The following ING5 variants were observed in gnomAD, a reference collection of about 807,000 sequenced individuals.
ING5 encodes the protein inhibitor of growth family member 5, also known as inhibitor of growth protein 5.
ING5 carries 17 observed loss-of-function variants against 37.4 expected under a neutral mutation model. The observed-to-expected ratio is 0.45, with a 90% CI of 0.31 to 0.68. The LOEUF is 0.68. Among genes scored for constraint, ING5 ranks in the 30% least tolerant of loss-of-function variants. The pLI is 0.05. For synonymous variants in ING5, 123 were observed against 116.6 expected (o/e 1.06, Z -0.36); for missense variants, 233 against 311.9 (o/e 0.75, Z 1.91).
At chr2:241,697,314 A>G (rs34641797), upstream of ING5, among the ~76,000 whole-genome samples, 18,495 of 150,914 alleles carry the variant, frequency 0.12, 1,336 homozygotes, top group East Asian at 0.33. Flanking sequence ...GGGCGCCTGT[A>G]GTCCCAGCTA....
upstream of ING5, among the ~76,000 whole-genome samples, chr2:241,697,480 G>A (rs974544900): frequency 1.7e-4 from 25 of 151,190 alleles, no homozygotes; most frequent in East Asian, 1.6e-3. Context: ...TGGAACATCC[G>A]GACGTTGGAA....
At chr2:241,707,573 G>A (rs1391202570) in intron 2 of ING5, among the ~76,000 whole-genome samples, 1 of 152,172 alleles carries the variant, frequency 6.6e-6, no homozygotes, top group Non-Finnish European at 1.5e-5. Context: ...GATTACAGAC[G>A]TGAGTACCAC....
At chr2:241,689,069 G>C (rs888565103) in intron 1 of ING5, among the ~76,000 whole-genome samples, 2 of 152,004 alleles carry the variant, frequency 1.3e-5, no homozygotes, top group African/African-American at 4.8e-5. Context: ...CCAAAGTGCT[G>C]AGATTACAGG....
At chr2:241,693,377 C>A (rs1209853506) in intron 2 of ING5, among the ~76,000 whole-genome samples, 1 of 152,046 alleles carries the variant, frequency 6.6e-6, no homozygotes, top group Non-Finnish European at 1.5e-5. Context: ...TCACCTGCTC[C>A]CAGGAGCTTC....
chr2:241,719,602 G>GT lies in ING5; in HGVS notation c.483-3334dup, dbSNP rs2070374912. ...CCTGGTCTCTTCCTCACCCAGTGCT[G>GT]TTTCTCAAGGGTATGCTAGGCATAA... On this transcript the variant is annotated intron_variant, in intron 5 of 7. Transcript: ENST00000313552. 3 of 1,536,056 alleles carry GT rather than the reference G, an allele frequency of 2.0e-6. No individual in the cohort carries two copies. In the East Asian group the frequency reaches 7.3e-5, roughly 38 times the overall value.
chr2:241,687,030 C>T (rs2069441544), upstream of ING5: 3 of 490,622 alleles, frequency 6.1e-6, no homozygotes, highest in African/African-American at 4.0e-5. Context: ...GTGTCCCGTG[C>T]GGGCCTCCGT....
At chr2:241,700,980 T>G (rs1250828565), upstream of ING5, among the ~76,000 whole-genome samples, 1 of 139,890 alleles carries the variant, frequency 7.1e-6, no homozygotes, top group African/African-American at 2.5e-5. Flanking sequence ...AAAATTTTCT[T>G]TTTTTTTTTT....
rs577113497 is a variant in ING5 at position 241,702,602 on chromosome 2, G to C, written c.37+500G>C. ...CCTCTTGTGTGACCGCGGCTGGGGA[G>C]GGCGTGCGGGCCGCGGGGCGTCTCT... On this transcript the variant is annotated intron_variant, in intron 1 of 7. Transcript: ENST00000313552. Among the ~76,000 whole-genome samples the C allele has an allele frequency of 1.1e-4, 17 of 152,304 alleles. No individual in the cohort carries two copies. In the South Asian group the frequency reaches 2.5e-3, roughly 22 times the overall value.
intron 5 of ING5, among the ~76,000 whole-genome samples, chr2:241,718,370 T>TTCC (rs1157099333): frequency 8.5e-6 from 1 of 118,336 alleles, no homozygotes; most frequent in African/African-American, 3.1e-5. Context: ...CCTCCCTCCC[T>TTCC]TCCTCCCTCC....
At chr2:241,707,513 AACTCC>A (rs1345772616) in intron 2 of ING5, among the ~76,000 whole-genome samples, 11 of 151,710 alleles carry the variant, frequency 7.3e-5, no homozygotes, top group Non-Finnish European at 1.5e-4. Context: ...GCTGGTCTTG[AACTCC>A]TGACCTCAGG....
chr2:241,704,724 G>A lies in ING5; in HGVS notation c.109G>A (p.Asp37Asn). Reference protein sequence around the residue: ...LMRELDQRTEDKKAEIDILAA... With the variant: ...LMRELDQRTENKKAEIDILAA... ...GCGAGAGCTGGACCAGAGGACGGAAGGTGGGTTCAGACCTCTCCATACAAC... is the reference window on the plus strand; with the variant it reads ...GCGAGAGCTGGACCAGAGGACGGAAAGTGGGTTCAGACCTCTCCATACAAC... Residue 37 changes from aspartate to asparagine, a missense_variant and splice_region_variant, in exon 2 of 8, where the codon GAT becomes AAT. Transcript: ENST00000313552. 6.2e-7 allele frequency: 1 copy of A among 1,612,874 alleles called. No homozygotes were observed.
chr2:241,698,213 G>A (rs1400905525), upstream of ING5, among the ~76,000 whole-genome samples: 2 of 152,016 alleles, frequency 1.3e-5, no homozygotes, highest in Non-Finnish European at 2.9e-5. Flanking sequence ...GGGAGGCCAA[G>A]GCAGGAGGAT....
At chr2:241,705,523 G>A (rs562425545) in intron 2 of ING5, among the ~76,000 whole-genome samples, 351 of 148,276 alleles carry the variant, frequency 2.4e-3, no homozygotes, top group African/African-American at 8.3e-3. Flanking sequence ...TCAGCCTCCC[G>A]AGTAGCTGGG....
chr2:241,727,642 A>T lies in ING5; in HGVS notation c.*2611A>T, dbSNP rs1024013827. On this transcript the variant is annotated 3_prime_UTR_variant, in exon 8 of 8. Coordinates refer to ENST00000313552, the MANE Select transcript of ING5 (RefSeq NM_032329.6). ...CACAGATGTTTATTGATCGTGGAGG[A>T]TACATTGTGGAAAATGTTTTTCTCT... The T allele has an allele frequency of 6.6e-6, 1 of 152,240 alleles. No homozygotes were observed. Among genetic ancestry groups the T allele is most frequent in the African/African-American group, 2.4e-5 (1 of 41,466 alleles). The allele number at this position is 152,240 out of a possible 1,614,324, so 9.4% of individuals were successfully genotyped here.
chr2:241,717,952 C>T (rs1246723676), intron 5 of ING5, among the ~76,000 whole-genome samples: 1 of 152,102 alleles, frequency 6.6e-6, no homozygotes, highest in Admixed American at 6.6e-5. Flanking sequence ...CACAGCTCAC[C>T]GAGGCTCTGC....
upstream of ING5, among the ~76,000 whole-genome samples, chr2:241,698,080 C>T (rs1281387374): frequency 2.0e-5 from 2 of 102,344 alleles, no homozygotes; most frequent in African/African-American, 3.4e-5. Flanking sequence ...CAGGCTCCAT[C>T]TCAAAAAAAA....
intron 5 of ING5, among the ~76,000 whole-genome samples, chr2:241,713,269 G>C (rs2070171484): frequency 6.6e-6 from 1 of 151,762 alleles, no homozygotes; most frequent in Admixed American, 6.6e-5. Context: ...TGTTAGCCAG[G>C]CTGGTCTCGA....
chr2:241,723,416 C>T, intron 7 of ING5, 145 bp downstream of exon 7: 1 of 904,902 alleles, frequency 1.1e-6, no homozygotes, highest in East Asian at 2.4e-5. Flanking sequence ...ACTGTGGCCT[C>T]AAGGAGTGTG....
intron 1 of ING5, among the ~76,000 whole-genome samples, chr2:241,702,674 A>G (rs2069780432): frequency 6.6e-6 from 1 of 152,142 alleles, no homozygotes; most frequent in Non-Finnish European, 1.5e-5. Flanking sequence ...GGCGGTGCCG[A>G]GTCGGCCCTG....
Sources: gnomAD v4.1 joint callset for allele counts (sites outside exome capture counted in the v4.1 genomes callset) on GRCh38, gnomAD v4.1.1 for gene constraint, MANE v1.5 for transcripts, NCBI Gene and HGNC (gene_info 2026-07-23, HGNC 2026-07-21) for gene names.